Variants in KLHL25 observed in about 807,000 individuals in gnomAD.
KLHL25 encodes the protein kelch-like protein 25.
KLHL25 carries 41 observed loss-of-function variants against 30.0 expected under a neutral mutation model. The observed-to-expected ratio is 1.37, with a 90% CI of 1.07 to 1.78. The LOEUF is 1.78. Among genes scored for constraint, KLHL25 ranks in the 40% most tolerant of loss-of-function variants. The probability of loss-of-function intolerance (pLI) is 0.00; values close to 1 mark genes in which losing one functional copy is unlikely to be tolerated. For synonymous variants in KLHL25, 399 were observed against 355.3 expected (o/e 1.12, Z -1.38); for missense variants, 971 against 824.5 (o/e 1.18, Z -2.18).
rs148307106 is a variant in KLHL25, at chr15:85,790,368, G to T, written c.-11+4398C>A. Among the ~76,000 whole-genome samples, 1,147 of 152,220 alleles carry T rather than the reference G, an allele frequency of 7.5e-3. 14 individuals carry two copies. The highest frequency in any genetic ancestry group is 0.025 in the African/African-American group (1,055 of 41,516). On this transcript the variant is annotated intron_variant, in intron 1 of 2. Coordinates refer to ENST00000337975, the MANE Select transcript of KLHL25 (RefSeq NM_022480.4). ...CTCCCAAAGCACTGGGATTACAGGGGTGAGCCACCTCGCCCGGTCCATTCC... is the reference window on the plus strand; with the variant it reads ...CTCCCAAAGCACTGGGATTACAGGGTTGAGCCACCTCGCCCGGTCCATTCC...
At chr15:85,772,996 G>A (rs1327134473) in intron 1 of KLHL25, among the ~76,000 whole-genome samples, 3 of 152,266 alleles carry the variant, frequency 2.0e-5, no homozygotes, top group Non-Finnish European at 1.5e-5. Flanking sequence ...CTGCCCCTGA[G>A]CCAATCTTCC....
intron 1 of KLHL25, among the ~76,000 whole-genome samples, chr15:85,792,905 C>T (rs2089827120): frequency 6.6e-6 from 1 of 152,170 alleles, no homozygotes; most frequent in Non-Finnish European, 1.5e-5. Flanking sequence ...TGCCAGCACT[C>T]CCTCATCTAG....
In KLHL25 at chr15:85,760,288, C is replaced by T. The variant is rs572609306; in HGVS notation, c.*748G>A. 2 of 152,456 alleles carry T rather than the reference C, an allele frequency of 1.3e-5. No individual in the cohort carries two copies. The highest frequency in any genetic ancestry group is 4.8e-5 in the African/African-American group (2 of 41,580). 9.4% of individuals were successfully genotyped at this position (152,456 alleles called of 1,614,324 possible). On this transcript the variant is annotated 3_prime_UTR_variant, in exon 3 of 3. Coordinates refer to ENST00000337975, the MANE Select transcript of KLHL25 (RefSeq NM_022480.4). ...AGGAGGGGAGGGGAGGGGTGACCCC[C>T]AGGGCACTCGGAGCCTTGAGTCTGC...
At chr15:85,793,242 C>G (rs966293377) in intron 1 of KLHL25, among the ~76,000 whole-genome samples, 1 of 152,180 alleles carries the variant, frequency 6.6e-6, no homozygotes, top group Non-Finnish European at 1.5e-5. Context: ...GCCTATAGCT[C>G]TTCTCTCCGC....
chr15:85,774,060 G>A (rs574942416), intron 1 of KLHL25, among the ~76,000 whole-genome samples: 1 of 152,238 alleles, frequency 6.6e-6, no homozygotes, highest in African/African-American at 2.4e-5. Flanking sequence ...TCATAGCAGG[G>A]CCTGGGGATG....
rs746063387 is a variant in KLHL25 at position 85,769,043 on chromosome 15, G to A, written c.768C>T (p.Leu256=). ...LQEAVSSEAL[L]MADERTKLIM... Reference sequence around the variant, plus strand: ...TAAGCTTGGTGCGCTCGTCTGCCATGAGGAGGGCCTCGCTGGAGACGGCCT... The same window carrying A: ...TAAGCTTGGTGCGCTCGTCTGCCATAAGGAGGGCCTCGCTGGAGACGGCCT... Residue 256 remains leucine, a synonymous_variant, in exon 2 of 3, where the codon CTC becomes CTT. Coordinates refer to ENST00000337975, the MANE Select transcript of KLHL25 (RefSeq NM_022480.4). 1.7e-5 allele frequency: 27 copies of A among 1,607,780 alleles called. No homozygotes were observed. Among genetic ancestry groups the A allele is most frequent in the Non-Finnish European group, 2.0e-5 (23 of 1,176,928 alleles).
chr15:85,779,051 T>TC (rs1160511635), intron 1 of KLHL25, among the ~76,000 whole-genome samples: 2 of 151,896 alleles, frequency 1.3e-5, no homozygotes, highest in African/African-American at 2.4e-5. Context: ...AACAATTTTT[T>TC]TTTTTTTTTT....
In KLHL25 at chr15:85,769,739, G is replaced by C. The variant is rs2089657374; in HGVS notation, c.72C>G (p.His24Gln). The change falls in exon 2 of 3, where the codon CAC (histidine) becomes CAG (glutamine). Residue 24 changes from histidine (H) to glutamine (Q), a missense_variant. His to Gln is a conservative substitution (Grantham distance 24). Coordinates refer to ENST00000337975, the MANE Select transcript of KLHL25 (RefSeq NM_022480.4). ...STGSMNVTLF[H>Q]KASHPDCVLA... is the part of the protein sequence containing the mutation. ...GCACACAGTCCGGGTGGGAGGCCTT[G>C]TGGAAGAGGGTGACGTTCATGGACC... 21 of 1,613,656 alleles carry C rather than the reference G, an allele frequency of 1.3e-5. No homozygotes were observed. The highest frequency in any genetic ancestry group is 1.4e-5 in the Non-Finnish European group (17 of 1,180,052).
chr15:85,787,718 A>T (rs1264517976), intron 1 of KLHL25, among the ~76,000 whole-genome samples: 1 of 152,202 alleles, frequency 6.6e-6, no homozygotes, highest in African/African-American at 2.4e-5. Context: ...ACGCTGTGAA[A>T]AAGAGCTCCA....
Position 85,760,146 on chromosome 15 carries a change from C to G in KLHL25, c.*890G>C, listed in dbSNP as rs2089571425. ...ACACCCTGGGGTCCCTCTGCTGTCTCCAGCTCACAGCTGCTCCTGGTCTTG... is the reference window on the plus strand; with the variant it reads ...ACACCCTGGGGTCCCTCTGCTGTCTGCAGCTCACAGCTGCTCCTGGTCTTG... On this transcript the variant is annotated 3_prime_UTR_variant, in exon 3 of 3. Transcript: ENST00000337975. 6.6e-6 allele frequency: 1 copy of G among 152,272 alleles called. No individual in the cohort carries two copies. Among genetic ancestry groups the G allele is most frequent in the Non-Finnish European group, 1.5e-5 (1 of 68,098 alleles). 9.4% of individuals were successfully genotyped at this position (152,272 alleles called of 1,614,324 possible).
At chr15:85,766,068 T>C (rs1168321111) in intron 2 of KLHL25, among the ~76,000 whole-genome samples, 2 of 152,150 alleles carry the variant, frequency 1.3e-5, no homozygotes, top group Non-Finnish European at 2.9e-5. Flanking sequence ...AATGACTGCC[T>C]TCACTGGGTA....
chr15:85,793,475 G>C (rs2089830157), intron 1 of KLHL25, among the ~76,000 whole-genome samples: 1 of 152,088 alleles, frequency 6.6e-6, no homozygotes, highest in Non-Finnish European at 1.5e-5. Context: ...CTGAGGTGGG[G>C]TAGACTTTGT....
chr15:85,794,809 T>G lies in KLHL25; in HGVS notation c.-54A>C, dbSNP rs2089841883. ...CCGCCGCCGCCGCCTCAGAGACCAC[T>G]CCCGGCAGCCCGCGCGAGCTCAACA... On this transcript the variant is annotated 5_prime_UTR_variant, in exon 1 of 3. Coordinates refer to ENST00000337975, the MANE Select transcript of KLHL25 (RefSeq NM_022480.4). 6.6e-6 allele frequency: 1 copy of G among 152,378 alleles called. No homozygotes were observed. Among genetic ancestry groups the G allele is most frequent in the Non-Finnish European group, 1.5e-5 (1 of 68,294 alleles). The allele number at this position is 152,378 out of a possible 1,614,324, so 9.4% of individuals were successfully genotyped here.
In KLHL25 at chr15:85,768,358, T is replaced by C. The variant is rs1375911080; in HGVS notation, c.1453A>G (p.Thr485Ala). The stretch of plus-strand genomic sequence containing the variant: ...TGGCTGCCCAGGACGGCAGCGGCTG[T>C]GTACCGCCAAGGCTGGGGGCACTCG... Reference protein sequence around the residue: ...KAECPQPWRYTAAAVLGSQIF... With the variant: ...KAECPQPWRYAAAAVLGSQIF... Residue 485 changes from threonine to alanine, a missense_variant, in exon 2 of 3, where the codon ACA (threonine) becomes GCA (alanine). By Grantham distance (58) the Thr-to-Ala change is moderately conservative. Transcript: ENST00000337975. 3.1e-6 allele frequency: 5 copies of C among 1,613,764 alleles called. No individual in the cohort carries two copies. Among genetic ancestry groups the C allele is most frequent in the East Asian group, 2.2e-5 (1 of 44,872 alleles).
Position 85,760,507 on chromosome 15 carries a change from T to TA in KLHL25, c.*528dup, listed in dbSNP as rs1335373298. 1.3e-5 allele frequency: 2 copies of TA among 152,070 alleles called. No individual in the cohort carries two copies. The highest frequency in any genetic ancestry group is 2.9e-5 in the Non-Finnish European group (2 of 67,992). The allele number at this position is 152,070 out of a possible 1,614,324, so 9.4% of individuals were successfully genotyped here. Reference sequence around the variant, plus strand: ...AGGCCCCCCTGCAGTTTCTGCACCTTAAAAAATCTGTCTTGGTCACCTTTC... The same window carrying TA: ...AGGCCCCCCTGCAGTTTCTGCACCTTAAAAAAATCTGTCTTGGTCACCTTTC... On this transcript the variant is annotated 3_prime_UTR_variant, in exon 3 of 3. Transcript: ENST00000337975.
chr15:85,779,208 T>C (rs1031204868), intron 1 of KLHL25, among the ~76,000 whole-genome samples: 7 of 152,104 alleles, frequency 4.6e-5, no homozygotes, highest in African/African-American at 1.7e-4. Flanking sequence ...CAGCGTCCTG[T>C]CTTTTTGAGT....
intron 1 of KLHL25, among the ~76,000 whole-genome samples, chr15:85,771,913 G>A (rs1208870593): frequency 2.0e-5 from 3 of 152,316 alleles, no homozygotes; most frequent in Middle Eastern, 3.4e-3. Flanking sequence ...GCAGTGGCAC[G>A]GAGCCTGAGA....
At chr15:85,787,850 G>C (rs934814433) in intron 1 of KLHL25, among the ~76,000 whole-genome samples, 1 of 152,126 alleles carries the variant, frequency 6.6e-6, no homozygotes, top group African/African-American at 2.4e-5. Context: ...AGATACAAAG[G>C]AGGGGATGGA....
intron 1 of KLHL25, among the ~76,000 whole-genome samples, chr15:85,776,501 T>C (rs1381294099): frequency 6.6e-6 from 1 of 151,882 alleles, no homozygotes; most frequent in African/African-American, 2.4e-5. Context: ...AATCAATCAA[T>C]AGCAAAAAAA....
Sources: allele counts gnomAD v4.1 joint callset (sites outside exome capture counted in the v4.1 genomes callset), GRCh38; gene constraint gnomAD v4.1.1; transcripts MANE v1.5; gene names NCBI Gene and HGNC (gene_info 2026-07-23, HGNC 2026-07-21).